The following MYOF variants were observed in gnomAD, a reference collection of about 807,000 sequenced individuals.
MYOF encodes myoferlin.
In MYOF, 244 loss-of-function variants were observed where a neutral mutation model predicts 284.2. The observed-to-expected ratio is 0.86, with a 90% CI of 0.77 to 0.95. The LOEUF (loss-of-function observed/expected upper bound fraction) is 0.95. MYOF is among the 40% of genes least tolerant of loss of function. The probability of loss-of-function intolerance (pLI) is 0.00; values close to 1 mark genes in which losing one functional copy is unlikely to be tolerated. For missense variants in MYOF, 2,496 were observed against 2,560.6 expected (o/e 0.97, Z 0.54); for synonymous variants, 904 against 919.7 (o/e 0.98, Z 0.31).
intron 5 of MYOF, among the ~76,000 whole-genome samples, chr10:93,414,338 A>C (rs980048185): frequency 6.6e-6 from 1 of 152,106 alleles, no homozygotes; most frequent in African/African-American, 2.4e-5. Flanking sequence ...GGAGTTCAAG[A>C]CCAGCCTGGT....
intron 12 of MYOF, among the ~76,000 whole-genome samples, chr10:93,399,995 G>A (rs1425166986): frequency 2.0e-5 from 3 of 152,222 alleles, no homozygotes; most frequent in Admixed American, 1.3e-4. Context: ...GTATATGCCA[G>A]CCTCCAGCCT....
chr10:93,338,321 C>CT (rs1317438177), intron 39 of MYOF: 30 of 457,876 alleles, frequency 6.6e-5, no homozygotes, highest in South Asian at 1.5e-4. Context: ...CCAGTAATGC[C>CT]TTGTAATACA....
chr10:93,325,745 AT>A lies in MYOF; in HGVS notation c.5271+80del, dbSNP rs539350576. 3,469 of 1,477,936 alleles carry A rather than the reference AT, an allele frequency of 2.3e-3. 12 individuals are homozygous for A. Among genetic ancestry groups the A allele is most frequent in the South Asian group, 3.2e-3 (245 of 77,514 alleles). 91.6% of individuals were successfully genotyped at this position (1,477,936 alleles called of 1,614,324 possible). A position where few individuals can be genotyped will look rare whatever the true frequency, so the allele number is the denominator to read the frequency against. On this transcript the variant is annotated intron_variant, in intron 46 of 53. Transcript: ENST00000359263. ...GTGCATCTCAAAGTATTCAAAGAAG[AT>A]AAAAGGCGCAAAAATGTCAACTACT...
chr10:93,315,116 G>A (rs1056439299), intron 50 of MYOF, among the ~76,000 whole-genome samples: 1 of 152,190 alleles, frequency 6.6e-6, no homozygotes, highest in Non-Finnish European at 1.5e-5. Flanking sequence ...CTTTATGTAA[G>A]CCTACTTGCA....
intron 33 of MYOF, 39 bp from the exon 34 acceptor site, chr10:93,351,610 AT>A (rs1564640774): frequency 1.9e-6 from 3 of 1,605,378 alleles, no homozygotes; most frequent in Non-Finnish European, 2.6e-6. Context: ...CCCGACAATC[AT>A]CCCTTCAAAT....
intron 5 of MYOF, among the ~76,000 whole-genome samples, chr10:93,423,975 G>A (rs1848470506): frequency 6.6e-6 from 1 of 152,102 alleles, no homozygotes; most frequent in African/African-American, 2.4e-5. Flanking sequence ...GACAGCAGAG[G>A]CAGAGACTGG....
chr10:93,419,472 C>T (rs1014906028), intron 5 of MYOF, among the ~76,000 whole-genome samples: 4 of 152,140 alleles, frequency 2.6e-5, no homozygotes, highest in Middle Eastern at 3.4e-3. Context: ...CCCAAAATGC[C>T]CTTCTTAAAA....
At chr10:93,312,687 T>G (rs1247835380) in intron 51 of MYOF, among the ~76,000 whole-genome samples, 1 of 152,136 alleles carries the variant, frequency 6.6e-6, no homozygotes, top group East Asian at 1.9e-4. Flanking sequence ...TGAAGTTCCC[T>G]TTTCCATACG....
At chr10:93,341,811 C>T in intron 38 of MYOF, 2 of 751,128 alleles carry the variant, frequency 2.7e-6, no homozygotes, top group Non-Finnish European at 3.8e-6. Context: ...TCACTTTTCA[C>T]TCCAAAATCT....
At chr10:93,363,187 CTG>C (rs1184372965) in intron 27 of MYOF, among the ~76,000 whole-genome samples, 2 of 152,174 alleles carry the variant, frequency 1.3e-5, no homozygotes, top group Non-Finnish European at 2.9e-5. Context: ...AGCTATGAAA[CTG>C]TGTGTGCAAC....
intron 43 of MYOF, among the ~76,000 whole-genome samples, chr10:93,332,701 G>A (rs907963052): frequency 1.3e-5 from 2 of 151,912 alleles, no homozygotes; most frequent in Non-Finnish European, 2.9e-5. Context: ...AAAAAAATTA[G>A]CCGGGCGTGG....
intron 44 of MYOF, among the ~76,000 whole-genome samples, 164 bp downstream of exon 44, chr10:93,329,500 G>T (rs1374527329): frequency 1.3e-5 from 2 of 152,090 alleles, no homozygotes; most frequent in Admixed American, 1.3e-4. Context: ...GGGGCCATGA[G>T]GTGGCCCGGA....
At chr10:93,415,229 CT>C (rs1169295401) in intron 5 of MYOF, among the ~76,000 whole-genome samples, 3 of 152,138 alleles carry the variant, frequency 2.0e-5, no homozygotes, top group African/African-American at 7.2e-5. Context: ...CCCTCGATCC[CT>C]TTCCCCCTCT....
At chr10:93,428,799 G>A (rs772768033) in intron 4 of MYOF, among the ~76,000 whole-genome samples, 1 of 152,162 alleles carries the variant, frequency 6.6e-6, no homozygotes. Context: ...AGGGAGCACT[G>A]AAGGGCTTAG....
rs1445211274 is a variant in MYOF at position 93,323,060 on chromosome 10, C to G, written c.5456+18G>C. 4 of 1,607,456 alleles carry G rather than the reference C, an allele frequency of 2.5e-6. No homozygotes were observed. The African/African-American group carries it at 5.3e-5, about 21-fold the overall frequency. On this transcript the variant is annotated intron_variant, in intron 48 of 53. Transcript: ENST00000359263. ...TGTTTCCCTGAGCTTGGCAAAGTCT[C>G]TCACATGCTAACCTTACCCTTTGAC...
chr10:93,397,251 C>A lies in MYOF; in HGVS notation c.1330G>T (p.Asp444Tyr). 6.3e-7 allele frequency: 1 copy of A among 1,587,774 alleles called. No individual in the cohort carries two copies. The highest frequency in any genetic ancestry group is 1.1e-5 in the South Asian group (1 of 89,234). Reference sequence around the variant, plus strand: ...ACATACGTATTTTCAACTCACCAGTCATATATTGTTAGTTTTATTTTTTCA... The same window carrying A: ...ACATACGTATTTTCAACTCACCAGTAATATATTGTTAGTTTTATTTTTTCA... ...VCEKIKLTIY[D>Y]WDRLTKNDVV... The change falls in exon 15 of 54, where the codon GAC becomes TAC. Residue 444 changes from aspartate (D) to tyrosine (Y), a missense_variant. Transcript: ENST00000359263.
At chr10:93,466,188 T>C (rs2057005505) in intron 1 of MYOF, among the ~76,000 whole-genome samples, 2 of 152,174 alleles carry the variant, frequency 1.3e-5, no homozygotes, top group African/African-American at 4.8e-5. Context: ...TGGACCCCTC[T>C]CCAGGAGTGT....
intron 2 of MYOF, 75 bp from the exon 3 acceptor site, chr10:93,452,216 C>G: frequency 1.1e-6 from 1 of 872,652 alleles, no homozygotes; most frequent in Non-Finnish European, 1.9e-6. Context: ...CTAAGATGCA[C>G]CAGTACTACA....
At chr10:93,323,678 C>T (rs1241840993) in intron 46 of MYOF, 1 of 329,428 alleles carries the variant, frequency 3.0e-6, no homozygotes, top group African/African-American at 2.1e-5. Flanking sequence ...ATACACATCC[C>T]ACAGGCAGGC....
Sources: gnomAD v4.1 joint callset for allele counts (sites outside exome capture counted in the v4.1 genomes callset) on GRCh38, gnomAD v4.1.1 for gene constraint, MANE v1.5 for transcripts, NCBI Gene and HGNC (gene_info 2026-07-23, HGNC 2026-07-21) for gene names.